The following BRINP3 variants were observed in gnomAD, a reference collection of about 807,000 sequenced individuals.
BRINP3 encodes the protein BMP/retinoic acid inducible neural specific 3.
Under a neutral mutation model 71.0 loss-of-function variants are expected in BRINP3, and 19 were observed. The observed-to-expected ratio is 0.27, with a 90% CI of 0.19 to 0.39. BRINP3 has a LOEUF of 0.39. Among genes scored for constraint, BRINP3 ranks in the 10% least tolerant of loss-of-function variants. The pLI, the probability that BRINP3 is intolerant of heterozygous loss-of-function variation, is 1.00. For missense variants in BRINP3, 959 were observed against 940.8 expected (o/e 1.02, Z -0.25); for synonymous variants, 380 against 337.7 (o/e 1.13, Z -1.37).
chr1:190,454,555 T>C, intron 2 of BRINP3, 100 bp downstream of exon 2: 3 of 882,436 alleles, frequency 3.4e-6, no homozygotes, highest in Non-Finnish European at 5.2e-6. Context: ...ACCCTTCTGA[T>C]AATACCTTTT....
intron 2 of BRINP3, among the ~76,000 whole-genome samples, chr1:190,309,490 C>T (rs1296768444): frequency 6.6e-6 from 1 of 151,696 alleles, no homozygotes; most frequent in Non-Finnish European, 1.5e-5. Context: ...AATTTAAAAA[C>T]ATGATTTCGG....
At chr1:190,166,112 A>T (rs1315377030) in intron 6 of BRINP3, among the ~76,000 whole-genome samples, 1 of 152,168 alleles carries the variant, frequency 6.6e-6, no homozygotes, top group Non-Finnish European at 1.5e-5. Context: ...AAGTCTATTC[A>T]AACCATTCTA....
intron 1 of BRINP3, among the ~76,000 whole-genome samples, chr1:190,466,725 G>C (rs944427707): frequency 6.6e-5 from 10 of 151,520 alleles, no homozygotes; most frequent in Admixed American, 5.9e-4. Context: ...TAGGCAACAT[G>C]AGGCAGATTT....
At chr1:190,107,888 G>T (rs974656003) in intron 7 of BRINP3, among the ~76,000 whole-genome samples, 4 of 151,786 alleles carry the variant, frequency 2.6e-5, no homozygotes, top group African/African-American at 9.7e-5. Flanking sequence ...TTTATGATCT[G>T]GAAAATAATA....
intron 1 of BRINP3, among the ~76,000 whole-genome samples, chr1:190,473,087 C>T (rs1677251167): frequency 6.6e-6 from 1 of 151,632 alleles, no homozygotes; most frequent in Non-Finnish European, 1.5e-5. Flanking sequence ...ATTATTAAAA[C>T]AACATAGATT....
At chr1:190,376,257 A>T (rs1283536901) in intron 2 of BRINP3, among the ~76,000 whole-genome samples, 1 of 151,958 alleles carries the variant, frequency 6.6e-6, no homozygotes, top group Non-Finnish European at 1.5e-5. Flanking sequence ...TCAGTCATTC[A>T]CTGTTTTGAC....
intron 1 of BRINP3, among the ~76,000 whole-genome samples, chr1:190,462,989 A>G (rs550344455): frequency 2.0e-5 from 3 of 152,044 alleles, no homozygotes; most frequent in Admixed American, 1.3e-4. Flanking sequence ...GTTTAAATCT[A>G]CTAAATGTGA....
chr1:190,436,082 G>A (rs1032082759), intron 2 of BRINP3, among the ~76,000 whole-genome samples: 13 of 151,838 alleles, frequency 8.6e-5, no homozygotes, highest in African/African-American at 2.7e-4. Context: ...ATTATCCTTC[G>A]ATCCAGTTAT....
chr1:190,245,144 G>A (rs1360279539), intron 4 of BRINP3, among the ~76,000 whole-genome samples: 4 of 151,630 alleles, frequency 2.6e-5, no homozygotes, highest in African/African-American at 4.8e-5. Context: ...CTGATAAAGC[G>A]CAGCACACTA....
chr1:190,136,120 T>A (rs1341929761), intron 7 of BRINP3, among the ~76,000 whole-genome samples: 5 of 152,036 alleles, frequency 3.3e-5, no homozygotes, highest in African/African-American at 2.4e-5. Context: ...GATAAAAAAA[T>A]ATTTCATGAG....
intron 6 of BRINP3, among the ~76,000 whole-genome samples, chr1:190,190,720 A>G (rs1653962202): frequency 6.6e-6 from 1 of 152,110 alleles, no homozygotes; most frequent in African/African-American, 2.4e-5. Context: ...TTTTTTTGAA[A>G]TAAAATACTT....
chr1:190,309,860 A>G (rs2103021698), intron 2 of BRINP3, among the ~76,000 whole-genome samples: 1 of 151,934 alleles, frequency 6.6e-6, no homozygotes, highest in Non-Finnish European at 1.5e-5. Context: ...TTATAAAAAT[A>G]ACATTTAAAT....
chr1:190,387,993 A>G (rs1291614055), intron 2 of BRINP3, among the ~76,000 whole-genome samples: 2 of 151,838 alleles, frequency 1.3e-5, no homozygotes, highest in East Asian at 3.9e-4. Flanking sequence ...ACATTTATGT[A>G]TTCTTCTTCT....
chr1:190,104,773 G>T (rs1324162350), intron 7 of BRINP3, among the ~76,000 whole-genome samples: 1 of 151,936 alleles, frequency 6.6e-6, no homozygotes, highest in African/African-American at 2.4e-5. Flanking sequence ...TATGTTGATA[G>T]AAAAACAATT....
chr1:190,247,686 C>T (rs1401261027), intron 4 of BRINP3, among the ~76,000 whole-genome samples: 1 of 151,626 alleles, frequency 6.6e-6, no homozygotes, highest in African/African-American at 2.4e-5. Flanking sequence ...TACTCTCTAC[C>T]TCTCTACTTT....
chr1:190,159,917 T>C (rs566857690), intron 7 of BRINP3, among the ~76,000 whole-genome samples: 23 of 152,234 alleles, frequency 1.5e-4, no homozygotes, highest in Admixed American at 6.6e-4. Flanking sequence ...AAGAAATCTA[T>C]AATCACAGAG....
intron 6 of BRINP3, among the ~76,000 whole-genome samples, chr1:190,192,499 C>T (rs1179999827): frequency 6.6e-6 from 1 of 151,260 alleles, no homozygotes; most frequent in Non-Finnish European, 1.5e-5. Context: ...CATGTGCCAA[C>T]ATGTCCTGTT....
intron 7 of BRINP3, among the ~76,000 whole-genome samples, chr1:190,105,039 GC>G (rs1652031819): frequency 6.6e-6 from 1 of 151,874 alleles, no homozygotes; most frequent in African/African-American, 2.4e-5. Flanking sequence ...TTGGAATTAG[GC>G]ATCCACAGCC....
intron 2 of BRINP3, among the ~76,000 whole-genome samples, chr1:190,447,710 A>G (rs1040453020): frequency 6.6e-6 from 1 of 150,902 alleles, no homozygotes; most frequent in African/African-American, 2.4e-5. Flanking sequence ...ATGTTTAATT[A>G]TAATTATTTT....
Sources: gnomAD v4.1 joint callset for allele counts (sites outside exome capture counted in the v4.1 genomes callset) on GRCh38, gnomAD v4.1.1 for gene constraint, MANE v1.5 for transcripts, NCBI Gene and HGNC (gene_info 2026-07-23, HGNC 2026-07-21) for gene names.